The following RBFOX1 variants were observed in gnomAD, a reference collection of about 807,000 sequenced individuals.
RBFOX1 encodes RNA binding fox-1 homolog 1, also known as RNA binding protein fox-1 homolog 1.
RBFOX1 carries 8 observed loss-of-function variants against 57.7 expected under a neutral mutation model. That is an observed-to-expected ratio of 0.14 (90% CI 0.08 to 0.25). The LOEUF (loss-of-function observed/expected upper bound fraction) is 0.25. RBFOX1 is among the 10% of genes least tolerant of loss of function. The pLI is 1.00. For synonymous variants in RBFOX1, 326 were observed against 222.4 expected (o/e 1.47, Z -4.15); for missense variants, 611 against 548.5 (o/e 1.11, Z -1.14).
At chr16:6,748,394 C>A (rs1005099438) in intron 3 of RBFOX1, among the ~76,000 whole-genome samples, 4 of 152,146 alleles carry the variant, frequency 2.6e-5, no homozygotes, top group Non-Finnish European at 5.9e-5. Context: ...GGCACTGTGG[C>A]TCACACCTAT....
chr16:6,964,559 G>T (rs964060740), intron 3 of RBFOX1, among the ~76,000 whole-genome samples: 3 of 152,128 alleles, frequency 2.0e-5, no homozygotes, highest in African/African-American at 4.8e-5. Context: ...GCCAGTGAGG[G>T]TATATGGGGA....
chr16:7,183,032 C>G (rs1046931396), intron 4 of RBFOX1, among the ~76,000 whole-genome samples: 4 of 152,300 alleles, frequency 2.6e-5, no homozygotes, highest in South Asian at 4.1e-4. Context: ...ATAATGGGCA[C>G]ACAACAATAT....
chr16:6,038,547 TATATCATCC>T (rs1186020223), intron 1 of RBFOX1: 9 of 140,390 alleles, frequency 6.4e-5, no homozygotes, highest in South Asian at 2.2e-4. Context: ...TATATATATA[TATATCATCC>T]ATATATATAT....
At chr16:7,590,823 C>G (rs1478411081) in intron 7 of RBFOX1, among the ~76,000 whole-genome samples, 1 of 139,756 alleles carries the variant, frequency 7.2e-6, no homozygotes, top group Non-Finnish European at 1.5e-5. Flanking sequence ...CAAGACATTG[C>G]ATTCCAGCCT....
intron 10 of RBFOX1, among the ~76,000 whole-genome samples, chr16:7,615,992 C>G (rs2058378040): frequency 6.6e-6 from 1 of 152,140 alleles, no homozygotes; most frequent in African/African-American, 2.4e-5. Context: ...CAATGGCAGT[C>G]AAAGAATTTG....
intron 3 of RBFOX1, among the ~76,000 whole-genome samples, chr16:6,859,183 ATGTATATATATATG>A (rs2058550406): frequency 1.2e-5 from 1 of 82,666 alleles, no homozygotes; most frequent in African/African-American, 5.3e-5. Context: ...ATGTATATAT[ATGTATATATATATG>A]TATATATATA....
intron 4 of RBFOX1, among the ~76,000 whole-genome samples, chr16:7,437,668 C>T (rs554015830): frequency 1.1e-4 from 17 of 152,168 alleles, no homozygotes; most frequent in African/African-American, 3.4e-4. Context: ...CGATTAAGGC[C>T]GGAGTAGGCA....
intron 5 of RBFOX1, among the ~76,000 whole-genome samples, chr16:7,549,047 T>C (rs1601566276): frequency 6.6e-6 from 1 of 151,612 alleles, no homozygotes; most frequent in Non-Finnish European, 1.5e-5. Context: ...GAGAAGAGGG[T>C]GGACAGGAAG....
At chr16:5,475,302 T>A (rs2069281635) in intron 2 of RBFOX1, among the ~76,000 whole-genome samples, 1 of 152,240 alleles carries the variant, frequency 6.6e-6, no homozygotes, top group Non-Finnish European at 1.5e-5. Context: ...GATTTGAAGG[T>A]AGGCATCCTG....
intron 3 of RBFOX1, among the ~76,000 whole-genome samples, chr16:5,614,263 C>A (rs116960486): frequency 2.6e-5 from 4 of 152,060 alleles, no homozygotes; most frequent in Non-Finnish European, 5.9e-5. Flanking sequence ...AACAAATTTG[C>A]ACATGGACTA....
chr16:5,646,797 G>A (rs1260176317), intron 3 of RBFOX1, among the ~76,000 whole-genome samples: 1 of 151,802 alleles, frequency 6.6e-6, no homozygotes, highest in Non-Finnish European at 1.5e-5. Flanking sequence ...ACCACGCTTG[G>A]CTAATTTTTA....
At chr16:7,669,499 G>A (rs977636985) in intron 13 of RBFOX1, among the ~76,000 whole-genome samples, 1 of 152,178 alleles carries the variant, frequency 6.6e-6, no homozygotes, top group Non-Finnish European at 1.5e-5. Flanking sequence ...TGTTAACCTT[G>A]TTCCTTTTTA....
intron 4 of RBFOX1, among the ~76,000 whole-genome samples, chr16:7,265,961 TTTG>T (rs377382888): frequency 0.056 from 6,406 of 113,820 alleles, 575 homozygotes; most frequent in African/African-American, 0.12. Context: ...CTGGTGGGTT[TTTG>T]TTTTTTTTTT....
At chr16:7,346,163 T>A (rs947317103) in intron 4 of RBFOX1, among the ~76,000 whole-genome samples, 5 of 152,160 alleles carry the variant, frequency 3.3e-5, no homozygotes, top group African/African-American at 1.2e-4. Flanking sequence ...GAACTCATCC[T>A]TTTTTATGGA....
At chr16:5,959,163 G>T (rs2059702551) in intron 4 of RBFOX1, among the ~76,000 whole-genome samples, 1 of 152,196 alleles carries the variant, frequency 6.6e-6, no homozygotes, top group Non-Finnish European at 1.5e-5. Flanking sequence ...TCCTGTTCCA[G>T]TGAGCACTGA....
intron 1 of RBFOX1, among the ~76,000 whole-genome samples, chr16:5,261,540 G>T (rs1430334974): frequency 7.1e-6 from 1 of 140,098 alleles, no homozygotes; most frequent in African/African-American, 2.6e-5. Context: ...ACATTTCACT[G>T]TGTGTATGGT....
intron 3 of RBFOX1, among the ~76,000 whole-genome samples, chr16:6,809,453 G>T (rs1296747711): frequency 2.0e-5 from 3 of 151,778 alleles, no homozygotes; most frequent in African/African-American, 4.8e-5. Flanking sequence ...TGATTTATGG[G>T]GTACCTGAGA....
chr16:7,181,278 CTGAA>C (rs1450030636), intron 4 of RBFOX1, among the ~76,000 whole-genome samples: 1 of 152,168 alleles, frequency 6.6e-6, no homozygotes, highest in African/African-American at 2.4e-5. Flanking sequence ...AGTACCAGAA[CTGAA>C]TGAATGAAGT....
chr16:7,599,707 ATG>A (rs2094911471), intron 9 of RBFOX1, among the ~76,000 whole-genome samples: 4 of 138,616 alleles, frequency 2.9e-5, no homozygotes, highest in Non-Finnish European at 6.0e-5. Flanking sequence ...GGGCAGTGGC[ATG>A]CTATTGGCTC....
Sources: allele counts gnomAD v4.1 joint callset (sites outside exome capture counted in the v4.1 genomes callset), GRCh38; gene constraint gnomAD v4.1.1; transcripts MANE v1.5; gene names NCBI Gene and HGNC (gene_info 2026-07-23, HGNC 2026-07-21).